RSU1: variants seen among roughly 807,000 people sequenced by gnomAD.
RSU1 encodes the protein Ras suppressor protein 1.
In RSU1, 26 loss-of-function variants were observed where a neutral mutation model predicts 31.1. The observed-to-expected ratio is 0.84, with a 90% CI of 0.61 to 1.16. RSU1 has a LOEUF of 1.16. Among genes scored for constraint, RSU1 ranks in the 50% most tolerant of loss-of-function variants. The pLI, the probability that RSU1 is intolerant of heterozygous loss-of-function variation, is 0.00. For synonymous variants in RSU1, 164 were observed against 136.3 expected (o/e 1.20, Z -1.41); for missense variants, 320 against 339.1 (o/e 0.94, Z 0.44).
At chr10:16,797,179 G>T (rs972051452) in intron 2 of RSU1, among the ~76,000 whole-genome samples, 2 of 152,124 alleles carry the variant, frequency 1.3e-5, no homozygotes, top group Admixed American at 6.5e-5. Flanking sequence ...TAGAATCAAA[G>T]CTGGATAAGA....
chr10:16,662,072 C>G (rs935872399), intron 8 of RSU1, among the ~76,000 whole-genome samples: 1 of 152,178 alleles, frequency 6.6e-6, no homozygotes, highest in African/African-American at 2.4e-5. Context: ...TTTGCAAGTG[C>G]CTTTTAGAGA....
chr10:16,687,714 A>AATTATT (rs149083342), intron 8 of RSU1, among the ~76,000 whole-genome samples: 2 of 151,610 alleles, frequency 1.3e-5, no homozygotes, highest in Admixed American at 6.6e-5. Context: ...CAAAAAATCA[A>AATTATT]ATTATTATTA....
chr10:16,679,314 A>T (rs1407671183), intron 8 of RSU1, among the ~76,000 whole-genome samples: 1 of 152,210 alleles, frequency 6.6e-6, no homozygotes, highest in Non-Finnish European at 1.5e-5. Context: ...GGAGAAAAAA[A>T]CACATACTTA....
intron 7 of RSU1, among the ~76,000 whole-genome samples, chr10:16,719,483 C>T (rs969446448): frequency 6.6e-6 from 1 of 152,332 alleles, no homozygotes; most frequent in Admixed American, 6.5e-5. Context: ...CCCTCTGCTT[C>T]CCAAAACGTA....
intron 7 of RSU1, among the ~76,000 whole-genome samples, chr10:16,709,082 T>C (rs940666410): frequency 6.6e-6 from 1 of 152,014 alleles, no homozygotes; most frequent in Non-Finnish European, 1.5e-5. Flanking sequence ...GCCATGCTGG[T>C]GTGTTACACC....
intron 7 of RSU1, among the ~76,000 whole-genome samples, chr10:16,726,560 C>T (rs906968901): frequency 4.6e-5 from 7 of 152,076 alleles, no homozygotes; most frequent in Non-Finnish European, 7.4e-5. Flanking sequence ...CCACTGCGCC[C>T]GGCCAAGAAC....
intron 7 of RSU1, among the ~76,000 whole-genome samples, chr10:16,738,252 C>T (rs1836676541): frequency 6.6e-6 from 1 of 152,096 alleles, no homozygotes; most frequent in Admixed American, 6.5e-5. Context: ...CGAGACCATC[C>T]TGGCTAACAG....
At chr10:16,748,701 C>A (rs1836910714) in intron 7 of RSU1, among the ~76,000 whole-genome samples, 1 of 152,094 alleles carries the variant, frequency 6.6e-6, no homozygotes, top group Non-Finnish European at 1.5e-5. Context: ...CCACACTGGC[C>A]TTGCTCTTCC....
At chr10:16,725,324 C>T (rs1206934778) in intron 7 of RSU1, among the ~76,000 whole-genome samples, 4 of 151,984 alleles carry the variant, frequency 2.6e-5, no homozygotes, top group Non-Finnish European at 4.4e-5. Flanking sequence ...AATTCAATGC[C>T]CAAAGACAGT....
At chr10:16,608,749 GA>G (rs886606882) in intron 8 of RSU1, among the ~76,000 whole-genome samples, 13 of 147,980 alleles carry the variant, frequency 8.8e-5, no homozygotes, top group African/African-American at 2.5e-4. Context: ...GAGTTTTTTG[GA>G]AAAAAAAAAT....
chr10:16,697,077 T>C (rs1048325074), intron 7 of RSU1, among the ~76,000 whole-genome samples: 2 of 152,136 alleles, frequency 1.3e-5, no homozygotes, highest in African/African-American at 4.8e-5. Context: ...CAAGTCTATT[T>C]CTGATGTGTC....
Position 16,592,735 on chromosome 10 carries a change from C to A in RSU1, c.*659G>T, listed in dbSNP as rs1196670391. 1 of 151,974 alleles carries A rather than the reference C, an allele frequency of 6.6e-6. No individual in the cohort carries two copies. Among genetic ancestry groups the A allele is most frequent in the African/African-American group, 2.4e-5 (1 of 41,358 alleles). 9.4% of individuals were successfully genotyped at this position (151,974 alleles called of 1,614,324 possible). Reference sequence around the variant, plus strand: ...GTCTTCAAAGAAAAAAAAAACTTGACAAATTAATGTGAGAAGAAACGAACT... The same window carrying A: ...GTCTTCAAAGAAAAAAAAAACTTGAAAAATTAATGTGAGAAGAAACGAACT... On this transcript the variant is annotated 3_prime_UTR_variant, in exon 9 of 9. Transcript: ENST00000345264.
chr10:16,815,983 T>C (rs1180800778), intron 2 of RSU1, among the ~76,000 whole-genome samples: 1 of 152,144 alleles, frequency 6.6e-6, no homozygotes, highest in Non-Finnish European at 1.5e-5. Flanking sequence ...TGTGTTCAGA[T>C]TCAGAAAGGC....
At chr10:16,635,556 C>T (rs2131495775) in intron 8 of RSU1, among the ~76,000 whole-genome samples, 1 of 152,384 alleles carries the variant, frequency 6.6e-6, no homozygotes, top group African/African-American at 2.4e-5. Flanking sequence ...AGTCCCTCCA[C>T]TGGCATTCAA....
At chr10:16,812,823 G>C (rs770594948) in intron 2 of RSU1, among the ~76,000 whole-genome samples, 4 of 152,130 alleles carry the variant, frequency 2.6e-5, no homozygotes, top group African/African-American at 4.8e-5. Flanking sequence ...TCCGGCTACA[G>C]CTGGGATTCT....
chr10:16,695,157 TGGGG>T lies in RSU1; in HGVS notation c.599-6_599-3del. ...TCTGGCCAGTTAAATCCAAGTTTCCTGGGGGGGGGGAAAAAAAAAGTGAAGGTCA... is the reference window on the plus strand; with the variant it reads ...TCTGGCCAGTTAAATCCAAGTTTCCTGGGGGGAAAAAAAAAGTGAAGGTCA... On this transcript the variant is annotated splice_polypyrimidine_tract_variant and splice_region_variant and intron_variant, in intron 7 of 8. Transcript: ENST00000345264. The T allele has an allele frequency of 1.7e-6, 2 of 1,202,554 alleles. No homozygotes were observed. Among genetic ancestry groups the T allele is most frequent in the Admixed American group, 4.9e-5 (2 of 40,564 alleles). The allele number at this position is 1,202,554 out of a possible 1,614,324, so 74.5% of individuals were successfully genotyped here. A position where few individuals can be genotyped will look rare whatever the true frequency, so the allele number is the denominator to read the frequency against.
chr10:16,682,490 C>T (rs190932248), intron 8 of RSU1, among the ~76,000 whole-genome samples: 1 of 149,866 alleles, frequency 6.7e-6, no homozygotes, highest in African/African-American at 2.5e-5. Context: ...TATCAGAAAC[C>T]CTTGTAGCAG....
At chr10:16,692,213 T>TATGTTATAG (rs1835572559) in intron 8 of RSU1, among the ~76,000 whole-genome samples, 1 of 152,182 alleles carries the variant, frequency 6.6e-6, no homozygotes. Context: ...ATATACCAAT[T>TATGTTATAG]ATGTTATAGA....
At chr10:16,794,062 C>T (rs904777581) in intron 2 of RSU1, among the ~76,000 whole-genome samples, 3 of 152,238 alleles carry the variant, frequency 2.0e-5, no homozygotes, top group Non-Finnish European at 4.4e-5. Flanking sequence ...TGCCCTCAGA[C>T]ATCAGAGTTC....
Sources: allele counts gnomAD v4.1 joint callset (sites outside exome capture counted in the v4.1 genomes callset), GRCh38; gene constraint gnomAD v4.1.1; transcripts MANE v1.5; gene names NCBI Gene and HGNC (gene_info 2026-07-23, HGNC 2026-07-21).